LRMDA: variants seen among roughly 807,000 people sequenced by gnomAD.
LRMDA encodes the protein leucine rich melanocyte differentiation associated.
Under a neutral mutation model 29.8 loss-of-function variants are expected in LRMDA, and 18 were observed. That is an observed-to-expected ratio of 0.60 (90% CI 0.42 to 0.90). The LOEUF is 0.90. LRMDA is among the 40% of genes least tolerant of loss of function. The pLI, the probability that LRMDA is intolerant of heterozygous loss-of-function variation, is 0.00. For synonymous variants in LRMDA, 125 were observed against 109.4 expected, an observed-to-expected ratio of 1.14 and a Z score of -0.89; for missense variants, 273 against 273.9, an observed-to-expected ratio of 1.00 and a Z score of 0.02.
intron 5 of LRMDA, among the ~76,000 whole-genome samples, chr10:76,246,518 G>A (rs535953017): frequency 6.7e-6 from 1 of 149,670 alleles, no homozygotes; most frequent in Non-Finnish European, 1.5e-5. Flanking sequence ...GTCTTCCCTG[G>A]GGCAAGCAAG....
At position 76,232,797 on chromosome 10, in the gene LRMDA, C is replaced by T. The variant is rs1299617788; in HGVS notation, c.517-91604C>T. ...AACAGCTTTCAGTGGAGAGGGGACA[C>T]AGGGGTGGTCCCCCTACCCAAAGGT... On this transcript the variant is annotated intron_variant, in intron 5 of 6. Coordinates refer to ENST00000611255, the MANE Select transcript of LRMDA (RefSeq NM_001305581.2). Among the ~76,000 whole-genome samples the T allele has an allele frequency of 3.3e-5, 5 of 152,166 alleles. No homozygotes were observed. The South Asian group carries it at 1.0e-3, about 32-fold the overall frequency.
chr10:76,143,788 A>G (rs1189487936), intron 5 of LRMDA, among the ~76,000 whole-genome samples: 2 of 152,158 alleles, frequency 1.3e-5, no homozygotes, highest in South Asian at 2.1e-4. Flanking sequence ...CCTGAATGGT[A>G]TTGCCTAGGT....
intron 2 of LRMDA, among the ~76,000 whole-genome samples, chr10:75,840,462 G>T (rs1274799160): frequency 6.6e-6 from 1 of 152,226 alleles, no homozygotes; most frequent in Non-Finnish European, 1.5e-5. Context: ...TTAGGGAGTT[G>T]TCAACATCTG....
intron 2 of LRMDA, among the ~76,000 whole-genome samples, chr10:75,556,233 A>C (rs1224298562): frequency 1.3e-5 from 2 of 152,080 alleles, no homozygotes; most frequent in African/African-American, 4.8e-5. Context: ...TCCAAAAAGA[A>C]AAAAAAATCA....
At chr10:76,026,125 A>G (rs140225646) in intron 2 of LRMDA, among the ~76,000 whole-genome samples, 632 of 152,360 alleles carry the variant, frequency 4.1e-3, no homozygotes, top group African/African-American at 0.014. Context: ...AGGAGCATCC[A>G]TGGAGTACAG....
chr10:75,643,376 T>C (rs1841478140), intron 2 of LRMDA, among the ~76,000 whole-genome samples: 2 of 152,312 alleles, frequency 1.3e-5, no homozygotes, highest in East Asian at 1.9e-4. Flanking sequence ...TACTCCCTAT[T>C]AGAAGATCAA....
chr10:76,455,856 C>T (rs561325295), intron 6 of LRMDA, among the ~76,000 whole-genome samples: 1 of 152,002 alleles, frequency 6.6e-6, no homozygotes, highest in Non-Finnish European at 1.5e-5. Flanking sequence ...AGGGAATGTC[C>T]CAAGGGATAT....
At chr10:75,918,631 G>C (rs748373628) in intron 2 of LRMDA, among the ~76,000 whole-genome samples, 1 of 152,046 alleles carries the variant, frequency 6.6e-6, no homozygotes, top group South Asian at 2.1e-4. Context: ...GATTTAGAAG[G>C]GACACATATC....
At chr10:76,371,212 A>G (rs936327151) in intron 6 of LRMDA, among the ~76,000 whole-genome samples, 2 of 152,172 alleles carry the variant, frequency 1.3e-5, no homozygotes, top group Non-Finnish European at 2.9e-5. Flanking sequence ...ATTGCTACCC[A>G]GTGACCTTGT....
chr10:75,966,400 C>T (rs745959206), intron 2 of LRMDA, among the ~76,000 whole-genome samples: 24 of 152,132 alleles, frequency 1.6e-4, no homozygotes, highest in Admixed American at 4.6e-4. Context: ...CGAACCCATA[C>T]GCGGAAAGCA....
chr10:76,500,630 C>T (rs1842902766), intron 6 of LRMDA, among the ~76,000 whole-genome samples: 1 of 75,216 alleles, frequency 1.3e-5, no homozygotes, highest in African/African-American at 3.2e-5. Flanking sequence ...ACACCATCCT[C>T]AGCACTGGGG....
At chr10:75,643,135 T>C (rs902905460) in intron 2 of LRMDA, 3 of 152,258 alleles carry the variant, frequency 2.0e-5, no homozygotes, top group Admixed American at 1.3e-4. Context: ...TCTTAACACT[T>C]TTTTTTAAAC....
intron 2 of LRMDA, among the ~76,000 whole-genome samples, chr10:75,937,829 A>T (rs765157180): frequency 6.6e-6 from 1 of 152,230 alleles, no homozygotes; most frequent in East Asian, 1.9e-4. Flanking sequence ...CCAATATATT[A>T]GCAGGCATGT....
chr10:75,781,987 C>T (rs1589198399), intron 2 of LRMDA, among the ~76,000 whole-genome samples: 1 of 152,180 alleles, frequency 6.6e-6, no homozygotes, highest in Non-Finnish European at 1.5e-5. Flanking sequence ...CCTGCCTCTC[C>T]CTCTGTGGGG....
intron 6 of LRMDA, among the ~76,000 whole-genome samples, chr10:76,353,603 C>T (rs752072450): frequency 4.6e-5 from 7 of 152,044 alleles, no homozygotes; most frequent in Non-Finnish European, 8.8e-5. Flanking sequence ...GTGGAGAGTT[C>T]TGAGATGTGA....
chr10:75,803,726 G>T (rs1843796335), intron 2 of LRMDA, among the ~76,000 whole-genome samples: 1 of 152,204 alleles, frequency 6.6e-6, no homozygotes, highest in Admixed American at 6.5e-5. Flanking sequence ...TACTTGCATT[G>T]ATTGTGAAAC....
chr10:76,213,935 C>G (rs1851679285), intron 5 of LRMDA, among the ~76,000 whole-genome samples: 1 of 150,700 alleles, frequency 6.6e-6, no homozygotes, highest in Non-Finnish European at 1.5e-5. Context: ...AAAACTATAG[C>G]TAGGGGGAAT....
chr10:76,242,998 C>T (rs556798611), intron 5 of LRMDA, among the ~76,000 whole-genome samples: 6 of 152,238 alleles, frequency 3.9e-5, no homozygotes, highest in East Asian at 1.9e-4. Flanking sequence ...TCGTTCTCCA[C>T]CTCCAAAGAC....
intron 2 of LRMDA, among the ~76,000 whole-genome samples, chr10:75,654,389 T>A (rs2132129214): frequency 6.6e-6 from 1 of 152,330 alleles, no homozygotes; most frequent in East Asian, 1.9e-4. Context: ...CCAACAGTTC[T>A]TACCCAGGAG....
Sources: allele counts gnomAD v4.1 joint callset (sites outside exome capture counted in the v4.1 genomes callset), GRCh38; gene constraint gnomAD v4.1.1; transcripts MANE v1.5; gene names NCBI Gene and HGNC (gene_info 2026-07-23, HGNC 2026-07-21).